The following AIG1 variants were observed in gnomAD, a reference collection of about 807,000 sequenced individuals.
The protein encoded by AIG1 is androgen-induced gene 1 protein.
AIG1 carries 23 observed loss-of-function variants against 31.4 expected under a neutral mutation model. That is an observed-to-expected ratio of 0.73 (90% CI 0.53 to 1.04). The LOEUF (loss-of-function observed/expected upper bound fraction) is 1.04, where lower values mean the gene tolerates loss of function less well. AIG1 is among the 50% of genes least tolerant of loss of function. The pLI is 0.00. For missense variants in AIG1, 274 were observed against 295.0 expected (o/e 0.93, Z 0.52); for synonymous variants, 100 against 110.5 (o/e 0.90, Z 0.60).
At chr6:143,176,765 A>G (rs1294328507) in intron 3 of AIG1, among the ~76,000 whole-genome samples, 1 of 152,252 alleles carries the variant, frequency 6.6e-6, no homozygotes, top group African/African-American at 2.4e-5. Context: ...CAGTGCTGAG[A>G]ACTTGCCCCA....
chr6:143,078,871 A>G (rs879359679), intron 1 of AIG1, among the ~76,000 whole-genome samples: 2 of 152,168 alleles, frequency 1.3e-5, no homozygotes, highest in Admixed American at 1.3e-4. Flanking sequence ...CTGTGGAGAA[A>G]TGTTGATTTT....
intron 1 of AIG1, among the ~76,000 whole-genome samples, chr6:143,111,880 T>C (rs913807241): frequency 1.3e-5 from 2 of 152,182 alleles, no homozygotes; most frequent in Non-Finnish European, 2.9e-5. Flanking sequence ...CCCTCTTCTC[T>C]ATATCTCTCT....
intron 1 of AIG1, 53 bp downstream of exon 1, chr6:143,061,119 T>C (rs879369170): frequency 0.08 from 23,599 of 295,754 alleles, 60 homozygotes; most frequent in South Asian, 0.093. Context: ...TGTGTGTGCG[T>C]GTGTGTGTGT....
At chr6:143,070,999 A>G (rs1777197283) in intron 1 of AIG1, among the ~76,000 whole-genome samples, 1 of 152,218 alleles carries the variant, frequency 6.6e-6, no homozygotes, top group African/African-American at 2.4e-5. Flanking sequence ...TAATATCACA[A>G]CCAAGATATT....
chr6:143,068,839 AATC>A (rs1314840951), intron 1 of AIG1, among the ~76,000 whole-genome samples: 1 of 152,160 alleles, frequency 6.6e-6, no homozygotes, highest in Non-Finnish European at 1.5e-5. Context: ...TATCAGAAAA[AATC>A]ATATTCTTTA....
At chr6:143,103,764 C>G (rs1231419736) in intron 1 of AIG1, among the ~76,000 whole-genome samples, 1 of 152,022 alleles carries the variant, frequency 6.6e-6, no homozygotes, top group Admixed American at 6.5e-5. Context: ...GCCTCGGCCT[C>G]CCAAAGTGCT....
intron 4 of AIG1, among the ~76,000 whole-genome samples, chr6:143,319,434 A>G (rs946056832): frequency 6.6e-6 from 1 of 152,214 alleles, no homozygotes; most frequent in Non-Finnish European, 1.5e-5. Context: ...ATGACGACAC[A>G]AAGGCATAAG....
chr6:143,216,359 A>T (rs561674195), intron 3 of AIG1, among the ~76,000 whole-genome samples: 1 of 152,332 alleles, frequency 6.6e-6, no homozygotes, highest in Non-Finnish European at 1.5e-5. Flanking sequence ...GTCATCAGGT[A>T]TATGGACAGG....
intron 3 of AIG1, among the ~76,000 whole-genome samples, chr6:143,233,401 AAAG>A (rs1701973932): frequency 6.6e-6 from 1 of 152,130 alleles, no homozygotes; most frequent in Non-Finnish European, 1.5e-5. Flanking sequence ...TTGACGAGAT[AAAG>A]AAGAAGGGGG....
rs1197930643 is a variant in AIG1, at chr6:143,280,652, A to G, written c.400-3458A>G. Reference sequence around the variant, plus strand: ...AACCAAACACCGCATGTTCTCACTTATAAGTGGGAGCTAAATGATAAGAAC... The same window carrying G: ...AACCAAACACCGCATGTTCTCACTTGTAAGTGGGAGCTAAATGATAAGAAC... On this transcript the variant is annotated intron_variant, in intron 3 of 5. Coordinates refer to ENST00000357847, the MANE Select transcript of AIG1 (RefSeq NM_016108.4). The surrounding 1 kb of genome is among the most constrained non-coding windows in gnomAD (Gnocchi z 4.1). Among the ~76,000 whole-genome samples, 1 of 152,220 alleles carries G rather than the reference A, an allele frequency of 6.6e-6. No homozygotes were observed. The highest frequency in any genetic ancestry group is 1.5e-5 in the Non-Finnish European group (1 of 68,032).
intron 4 of AIG1, among the ~76,000 whole-genome samples, chr6:143,324,485 A>G (rs184227891): frequency 6.2e-4 from 95 of 152,328 alleles, no homozygotes; most frequent in Admixed American, 1.2e-3. Context: ...AAAGCTTTCC[A>G]GAGCCCTGTC....
chr6:143,251,148 G>A (rs868377629), intron 3 of AIG1, among the ~76,000 whole-genome samples: 7 of 152,172 alleles, frequency 4.6e-5, no homozygotes, highest in Admixed American at 2.6e-4. Context: ...TGCCTCCTGG[G>A]TGTAAGCAAT....
At chr6:143,303,890 C>T (rs1245538200) in intron 4 of AIG1, among the ~76,000 whole-genome samples, 1 of 148,274 alleles carries the variant, frequency 6.7e-6, no homozygotes, top group Non-Finnish European at 1.5e-5. Flanking sequence ...TTTGTATCCT[C>T]TTTTATTTCA....
intron 1 of AIG1, chr6:143,061,403 A>C: frequency 4.6e-6 from 2 of 430,992 alleles, no homozygotes; most frequent in East Asian, 6.1e-5. Context: ...TCTTCAACAA[A>C]AGCATCGGAC....
At chr6:143,178,734 C>G (rs1227165589) in intron 3 of AIG1, among the ~76,000 whole-genome samples, 1 of 152,216 alleles carries the variant, frequency 6.6e-6, no homozygotes, top group Admixed American at 6.5e-5. Flanking sequence ...CTGAGTACCT[C>G]TAGTCAGCCA....
rs117350060 is a variant in AIG1 at position 143,112,675 on chromosome 6, A to T, written c.142-24160A>T. Among the ~76,000 whole-genome samples, 192 of 152,276 alleles carry T rather than the reference A, an allele frequency of 1.3e-3. 5 individuals carry two copies. In the East Asian group the frequency reaches 0.035, roughly 28 times the overall value. ...TTCTGGGTCTGAGTGAGTTCTATTT[A>T]AGTGTATACAAGGATTGTTTGAGAA... On this transcript the variant is annotated intron_variant, in intron 1 of 5. Coordinates refer to ENST00000357847, the MANE Select transcript of AIG1 (RefSeq NM_016108.4).
intron 3 of AIG1, among the ~76,000 whole-genome samples, chr6:143,244,031 A>C (rs1325301223): frequency 1.3e-5 from 2 of 152,220 alleles, no homozygotes; most frequent in Non-Finnish European, 2.9e-5. Context: ...TATGATCAGC[A>C]CTAGTAACGC....
Position 143,298,467 on chromosome 6 carries a change from CAGACAA to C in AIG1, c.515+14248_515+14253del, listed in dbSNP as rs1351382520. ...AGGTGAAACAGTGCTATTTGCCTAT[CAGACAA>C]AGACAGGTATCTTTTTAAAAAGGCA... On this transcript the variant is annotated intron_variant, in intron 4 of 5. Coordinates refer to ENST00000357847, the MANE Select transcript of AIG1 (RefSeq NM_016108.4). This position sits in a 1 kb window ranked among gnomAD's most constrained non-coding sequence, Gnocchi z 5.1. 6.6e-6 allele frequency among the ~76,000 whole-genome samples: 1 copy of C among 152,202 alleles called. No individual in the cohort carries two copies. Among genetic ancestry groups the C allele is most frequent in the Admixed American group, 6.5e-5 (1 of 15,278 alleles).
chr6:143,285,865 TG>T (rs750778797), intron 4 of AIG1, among the ~76,000 whole-genome samples: 4 of 152,080 alleles, frequency 2.6e-5, no homozygotes, highest in Non-Finnish European at 4.4e-5. Flanking sequence ...AATAGATTTA[TG>T]TCCTTTATAC....
Sources: gnomAD v4.1 joint callset for allele counts (sites outside exome capture counted in the v4.1 genomes callset) on GRCh38, gnomAD v4.1.1 for gene constraint, Gnocchi (gnomAD v3.1) non-coding constraint, MANE v1.5 for transcripts, NCBI Gene and HGNC (gene_info 2026-07-23, HGNC 2026-07-21) for gene names.